KCNN2: variants seen among roughly 807,000 people sequenced by gnomAD.
KCNN2 encodes the protein small conductance calcium-activated potassium channel protein 2.
KCNN2 carries 24 observed loss-of-function variants against 55.5 expected under a neutral mutation model. The observed-to-expected ratio is 0.43, with a 90% CI of 0.31 to 0.61. The LOEUF (loss-of-function observed/expected upper bound fraction) is 0.61, where lower values mean the gene tolerates loss of function less well. Ranked by LOEUF, KCNN2 falls within the 20% of genes least tolerant of loss-of-function variation. KCNN2 has a pLI of 0.08. For synonymous variants in KCNN2, 431 were observed against 336.1 expected, an observed-to-expected ratio of 1.28 and a Z score of -3.09; for missense variants, 754 against 853.6, an observed-to-expected ratio of 0.88 and a Z score of 1.45.
intron 1 of KCNN2, among the ~76,000 whole-genome samples, chr5:114,133,091 T>G (rs1186233023): frequency 1.3e-5 from 2 of 152,178 alleles, no homozygotes; most frequent in Non-Finnish European, 2.9e-5. Context: ...GTGGTTTTAC[T>G]GAGCCTAAAT....
At chr5:114,099,004 C>G (rs1751320037) in intron 1 of KCNN2, among the ~76,000 whole-genome samples, 1 of 152,130 alleles carries the variant, frequency 6.6e-6, no homozygotes, top group African/African-American at 2.4e-5. Context: ...TAACACAAAA[C>G]ATTTATTTAT....
At chr5:114,124,587 C>G (rs1751893880) in intron 1 of KCNN2, among the ~76,000 whole-genome samples, 1 of 152,172 alleles carries the variant, frequency 6.6e-6, no homozygotes, top group African/African-American at 2.4e-5. Context: ...ACCACATTAC[C>G]TGTCTGACCT....
intron 1 of KCNN2, among the ~76,000 whole-genome samples, chr5:114,182,702 T>G (rs1451397282): frequency 1.3e-5 from 2 of 152,152 alleles, no homozygotes; most frequent in East Asian, 3.9e-4. Context: ...CAATACAACT[T>G]ATTTTTATAT....
intron 2 of KCNN2, among the ~76,000 whole-genome samples, chr5:114,222,285 A>C (rs1246777026): frequency 6.6e-6 from 1 of 152,208 alleles, no homozygotes; most frequent in Admixed American, 6.5e-5. Context: ...GACCCTAGTA[A>C]ACAATATTTG....
chr5:114,076,312 C>G (rs1242809638), intron 1 of KCNN2, among the ~76,000 whole-genome samples: 1 of 152,174 alleles, frequency 6.6e-6, no homozygotes, highest in Non-Finnish European at 1.5e-5. Flanking sequence ...TTGGTATCTA[C>G]CAGAGATCCC....
chr5:114,437,771 G>A (rs531062577), intron 3 of KCNN2, among the ~76,000 whole-genome samples: 1 of 152,278 alleles, frequency 6.6e-6, no homozygotes, highest in East Asian at 1.9e-4. Flanking sequence ...AGAAAATCAT[G>A]AGTCTGGGGA....
At chr5:114,301,052 A>AT (rs10640846) in intron 2 of KCNN2, among the ~76,000 whole-genome samples, 43,119 of 150,060 alleles carry the variant, frequency 0.29, 7,055 homozygotes, top group East Asian at 0.78. Context: ...TTTATTAAAT[A>AT]TTTTTTTTTT....
intron 3 of KCNN2, among the ~76,000 whole-genome samples, chr5:114,445,210 A>G (rs1760357454): frequency 6.6e-6 from 1 of 152,164 alleles, no homozygotes; most frequent in African/African-American, 2.4e-5. Flanking sequence ...TGCCCAAGTG[A>G]TTTCAGGATA....
chr5:114,424,829 T>TA (rs1355084306), intron 3 of KCNN2, among the ~76,000 whole-genome samples: 1 of 152,168 alleles, frequency 6.6e-6, no homozygotes, highest in South Asian at 2.1e-4. Flanking sequence ...AGTAGGTACT[T>TA]ACAATATACA....
chr5:114,126,824 T>C (rs1407450357), intron 1 of KCNN2, among the ~76,000 whole-genome samples: 1 of 152,168 alleles, frequency 6.6e-6, no homozygotes, highest in Non-Finnish European at 1.5e-5. Context: ...AGTTAGTTAC[T>C]TCCTAGATAC....
At chr5:114,114,413 A>T (rs920895572) in intron 1 of KCNN2, among the ~76,000 whole-genome samples, 5 of 151,846 alleles carry the variant, frequency 3.3e-5, no homozygotes, top group Admixed American at 2.6e-4. Context: ...ATTTATTTTT[A>T]TTTTTTGTGG....
chr5:114,090,759 C>T (rs940253036), intron 1 of KCNN2, among the ~76,000 whole-genome samples: 1 of 152,094 alleles, frequency 6.6e-6, no homozygotes, highest in South Asian at 2.1e-4. Flanking sequence ...TTGTAGCAAT[C>T]TTCTGTGGAG....
At chr5:114,346,200 C>G (rs1248332103) in intron 2 of KCNN2, among the ~76,000 whole-genome samples, 1 of 152,164 alleles carries the variant, frequency 6.6e-6, no homozygotes, top group Non-Finnish European at 1.5e-5. Flanking sequence ...TATTAACACT[C>G]ACTCACTATT....
chr5:114,418,208 C>G (rs138404899), intron 3 of KCNN2, among the ~76,000 whole-genome samples: 1 of 152,200 alleles, frequency 6.6e-6, no homozygotes, highest in African/African-American at 2.4e-5. Flanking sequence ...TAGGGTTTTA[C>G]CATTTAGTAA....
At chr5:114,431,209 C>T (rs1287990149) in intron 3 of KCNN2, among the ~76,000 whole-genome samples, 1 of 152,052 alleles carries the variant, frequency 6.6e-6, no homozygotes, top group Non-Finnish European at 1.5e-5. Flanking sequence ...CCAGTGAACC[C>T]ATGTGGTCCT....
At chr5:114,293,322 G>T (rs1221719284) in intron 2 of KCNN2, among the ~76,000 whole-genome samples, 1 of 152,134 alleles carries the variant, frequency 6.6e-6, no homozygotes, top group Non-Finnish European at 1.5e-5. Context: ...GATATTGGCT[G>T]TGGGTTTGTC....
chr5:114,406,208 T>C (rs58502173), intron 3 of KCNN2, among the ~76,000 whole-genome samples: 4,308 of 151,956 alleles, frequency 0.028, 181 homozygotes, highest in African/African-American at 0.095. Flanking sequence ...GGTAACTGCT[T>C]TTTATAGTTT....
Position 114,362,940 on chromosome 5 carries a change from C to CGCT in KCNN2, c.803_804insTGC (p.Ala270dup), listed in dbSNP as rs1276102804. On this transcript the variant is annotated inframe_insertion, in exon 1 of 8. Transcript: ENST00000673685. Reference sequence around the variant, plus strand: ...CCTCCCCGTCTGCAGCCGCTGCCGCCGCCGCCGCTGTTTCGTCCTCAGCCC... The same window carrying CGCT: ...CCTCCCCGTCTGCAGCCGCTGCCGCCGCTGCCGCCGCTGTTTCGTCCTCAGCCC... 1 of 1,584,922 alleles carries CGCT rather than the reference C, an allele frequency of 6.3e-7. No homozygotes were observed. The highest frequency in any genetic ancestry group is 8.5e-7 in the Non-Finnish European group (1 of 1,172,922).
chr5:114,419,441 G>T (rs779451186), intron 3 of KCNN2, among the ~76,000 whole-genome samples: 4 of 152,166 alleles, frequency 2.6e-5, no homozygotes, highest in Admixed American at 6.5e-5. Flanking sequence ...CAATTACAAA[G>T]CATTTAAAAA....
Sources: allele counts gnomAD v4.1 joint callset (sites outside exome capture counted in the v4.1 genomes callset), GRCh38; gene constraint gnomAD v4.1.1; transcripts MANE v1.5; gene names NCBI Gene and HGNC (gene_info 2026-07-23, HGNC 2026-07-21).